LGSN: variants seen among roughly 807,000 people sequenced by gnomAD.
LGSN encodes lengsin, lens protein with glutamine synthetase domain.
Under a neutral mutation model 19.5 loss-of-function variants are expected in LGSN, and 21 were observed. That is an observed-to-expected ratio of 1.07 (90% CI 0.76 to 1.55). The LOEUF is 1.55. LGSN is among the 40% of genes most tolerant of loss of function. LGSN has a pLI of 0.00. For missense variants in LGSN, 673 were observed against 608.5 expected (o/e 1.11, Z -1.12); for synonymous variants, 257 against 215.6 (o/e 1.19, Z -1.68).
chr6:63,335,195 G>T, the LGSN span, among the ~76,000 whole-genome samples: 1 of 151,166 alleles, frequency 6.6e-6, no homozygotes, highest in Non-Finnish European at 1.5e-5. Flanking sequence ...TTTGATAGTT[G>T]GTGCTGGGAA....
chr6:63,572,535 G>C, the LGSN span: 1 of 393,714 alleles, frequency 2.5e-6, no homozygotes, highest in East Asian at 3.6e-5. Context: ...TACGCGCTCT[G>C]CTCCGAGCCG....
chr6:63,569,514 T>G, the LGSN span, among the ~76,000 whole-genome samples: 2 of 152,258 alleles, frequency 1.3e-5, no homozygotes, highest in African/African-American at 4.8e-5. Flanking sequence ...TCCACCCACC[T>G]TGGTCTCCCA....
At chr6:63,365,881 T>C in the LGSN span, among the ~76,000 whole-genome samples, 1 of 152,162 alleles carries the variant, frequency 6.6e-6, no homozygotes, top group East Asian at 1.9e-4. Flanking sequence ...TTTGACAAAA[T>C]TCAACAGAGC....
the LGSN span, among the ~76,000 whole-genome samples, chr6:63,360,420 A>G: frequency 6.6e-6 from 1 of 152,050 alleles, no homozygotes; most frequent in African/African-American, 2.4e-5. Context: ...TTGATCTTCC[A>G]TCCTGATACC....
At chr6:63,494,193 G>T in the LGSN span, among the ~76,000 whole-genome samples, 2 of 151,756 alleles carry the variant, frequency 1.3e-5, no homozygotes, top group Non-Finnish European at 2.9e-5. Flanking sequence ...CAGGTGATCC[G>T]CCCGCCTCAG....
the LGSN span, among the ~76,000 whole-genome samples, chr6:63,498,836 C>G: frequency 8.5e-5 from 13 of 152,060 alleles, no homozygotes; most frequent in African/African-American, 3.1e-4. Context: ...GGTTGATTAA[C>G]GCAGGGAAGA....
chr6:63,543,378 T>C, the LGSN span, among the ~76,000 whole-genome samples: 13 of 152,238 alleles, frequency 8.5e-5, 1 homozygote, highest in Admixed American at 2.0e-4. Flanking sequence ...CTTTCAAAAG[T>C]TGCAATAGTC....
chr6:63,298,206 T>A (rs1477040612), intron 1 of LGSN, among the ~76,000 whole-genome samples: 1 of 152,150 alleles, frequency 6.6e-6, no homozygotes, highest in Non-Finnish European at 1.5e-5. Context: ...CCAGCTCCAT[T>A]GTATCTGTTG....
the LGSN span, among the ~76,000 whole-genome samples, chr6:63,569,290 C>G: frequency 2.0e-5 from 3 of 152,200 alleles, no homozygotes; most frequent in Non-Finnish European, 4.4e-5. Context: ...AAGTCTCACT[C>G]TGTCTCCCAG....
the LGSN span, among the ~76,000 whole-genome samples, chr6:63,486,763 C>A: frequency 6.9e-6 from 1 of 144,462 alleles, no homozygotes; most frequent in Non-Finnish European, 1.5e-5. Flanking sequence ...TGGCTCACTG[C>A]AGCCTCAACC....
the LGSN span, among the ~76,000 whole-genome samples, chr6:63,561,592 C>A: frequency 6.6e-6 from 1 of 152,134 alleles, no homozygotes; most frequent in Non-Finnish European, 1.5e-5. Context: ...CAATCACATT[C>A]CAGGGCACTT....
intron 1 of LGSN, among the ~76,000 whole-genome samples, chr6:63,314,704 A>T (rs1768773271): frequency 6.6e-6 from 1 of 152,144 alleles, no homozygotes; most frequent in Admixed American, 6.5e-5. Flanking sequence ...TTTTCCCTTT[A>T]GGGTAAGAAG....
At chr6:63,365,881 T>G in the LGSN span, among the ~76,000 whole-genome samples, 1 of 152,162 alleles carries the variant, frequency 6.6e-6, no homozygotes, top group Admixed American at 6.5e-5. Context: ...TTTGACAAAA[T>G]TCAACAGAGC....
chr6:63,431,390 G>C, the LGSN span, among the ~76,000 whole-genome samples: 1 of 152,192 alleles, frequency 6.6e-6, no homozygotes, highest in African/African-American at 2.4e-5. Flanking sequence ...CAGTACCTCT[G>C]ATCCCCAGAT....
chr6:63,364,188 C>G, the LGSN span, among the ~76,000 whole-genome samples: 1 of 151,982 alleles, frequency 6.6e-6, no homozygotes, highest in African/African-American at 2.4e-5. Context: ...AGACCCATCT[C>G]ACATGCAGAG....
chr6:63,282,239 G>A (rs1406239840), intron 3 of LGSN, among the ~76,000 whole-genome samples: 1 of 152,154 alleles, frequency 6.6e-6, no homozygotes. Context: ...ATTAATAGAT[G>A]GAGAAAAATC....
the LGSN span, among the ~76,000 whole-genome samples, chr6:63,356,335 T>A: frequency 6.6e-6 from 1 of 151,852 alleles, no homozygotes; most frequent in Non-Finnish European, 1.5e-5. Flanking sequence ...AAGTCAGGAG[T>A]TCGAGACCAG....
chr6:63,378,646 G>C, the LGSN span, among the ~76,000 whole-genome samples: 3 of 152,176 alleles, frequency 2.0e-5, no homozygotes, highest in Non-Finnish European at 4.4e-5. Context: ...GATCACACGT[G>C]AGAGAGGAGG....
At chr6:63,361,263 A>T in the LGSN span, among the ~76,000 whole-genome samples, 1 of 152,188 alleles carries the variant, frequency 6.6e-6, no homozygotes, top group African/African-American at 2.4e-5. Context: ...GGTGGAGTCT[A>T]CAGATGCAGG....
Sources: gnomAD v4.1 joint callset for allele counts (sites outside exome capture counted in the v4.1 genomes callset) on GRCh38, gnomAD v4.1.1 for gene constraint, MANE v1.5 for transcripts, NCBI Gene and HGNC (gene_info 2026-07-23, HGNC 2026-07-21) for gene names.